The following CMC1 variants were observed in gnomAD, a reference collection of about 807,000 sequenced individuals.
CMC1 encodes C-X9-C motif containing 1.
CMC1 carries 14 observed loss-of-function variants against 14.1 expected under a neutral mutation model. That is an observed-to-expected ratio of 0.99 (90% CI 0.66 to 1.55). The LOEUF (loss-of-function observed/expected upper bound fraction) is 1.55, where lower values mean the gene tolerates loss of function less well. CMC1 is among the 40% of genes most tolerant of loss of function. The pLI, the probability that CMC1 is intolerant of heterozygous loss-of-function variation, is 0.00. For synonymous variants in CMC1, 50 were observed against 38.4 expected, an observed-to-expected ratio of 1.30 and a Z score of -1.12; for missense variants, 127 against 123.8, an observed-to-expected ratio of 1.03 and a Z score of -0.12.
At chr3:28,287,271 T>C (rs1360832123) in intron 2 of CMC1, among the ~76,000 whole-genome samples, 1 of 152,134 alleles carries the variant, frequency 6.6e-6, no homozygotes, top group East Asian at 1.9e-4. Context: ...CACCTTTGAC[T>C]GGCATCTTTG....
intron 2 of CMC1, among the ~76,000 whole-genome samples, chr3:28,310,920 C>T (rs1342862124): frequency 6.6e-6 from 1 of 151,868 alleles, no homozygotes; most frequent in Non-Finnish European, 1.5e-5. Context: ...AGGGTTTGTG[C>T]TCCTATGAGA....
At chr3:28,300,400 A>G (rs1258370924) in intron 2 of CMC1, among the ~76,000 whole-genome samples, 2 of 152,180 alleles carry the variant, frequency 1.3e-5, no homozygotes, top group Non-Finnish European at 1.5e-5. Flanking sequence ...GAGTGCGATG[A>G]ACAGGGAATT....
intron 2 of CMC1, among the ~76,000 whole-genome samples, chr3:28,264,129 G>T (rs1166826872): frequency 6.6e-6 from 1 of 152,074 alleles, no homozygotes; most frequent in Non-Finnish European, 1.5e-5. Flanking sequence ...TCTTGGAAGG[G>T]CCATCAAAAA....
chr3:28,257,336 G>A (rs1699467773), intron 1 of CMC1, among the ~76,000 whole-genome samples: 1 of 152,082 alleles, frequency 6.6e-6, no homozygotes, highest in Admixed American at 6.6e-5. Flanking sequence ...ATGGCAGTAT[G>A]TACTCCTTTG....
At chr3:28,273,524 C>T (rs6791550) in intron 2 of CMC1, among the ~76,000 whole-genome samples, 94,947 of 152,026 alleles carry the variant, frequency 0.62, 29,737 homozygotes, top group East Asian at 0.71. Context: ...TTCCCAATTA[C>T]GTGGTAGATT....
chr3:28,300,940 A>AC (rs1179168369), intron 2 of CMC1, among the ~76,000 whole-genome samples: 1 of 113,390 alleles, frequency 8.8e-6, no homozygotes, highest in African/African-American at 3.4e-5. Flanking sequence ...ACACATGCAC[A>AC]CCCCCCAAAC....
chr3:28,297,375 G>A (rs1373760970), intron 2 of CMC1, among the ~76,000 whole-genome samples: 1 of 151,962 alleles, frequency 6.6e-6, no homozygotes, highest in Non-Finnish European at 1.5e-5. Context: ...CATTACTGTG[G>A]CAGCCTCATA....
chr3:28,317,767 T>C (rs1189614013), intron 3 of CMC1: 4 of 152,158 alleles, frequency 2.6e-5, no homozygotes, highest in Admixed American at 2.0e-4. Context: ...TTATATCTTA[T>C]GGAGTGATTG....
intron 2 of CMC1, among the ~76,000 whole-genome samples, chr3:28,310,318 A>G (rs761618485): frequency 5.9e-5 from 9 of 152,340 alleles, no homozygotes; most frequent in Non-Finnish European, 1.2e-4. Flanking sequence ...TTCTTACTCT[A>G]CATGGTAACC....
intron 2 of CMC1, among the ~76,000 whole-genome samples, chr3:28,304,501 G>T (rs1304325916): frequency 2.0e-5 from 3 of 151,988 alleles, no homozygotes; most frequent in Non-Finnish European, 2.9e-5. Context: ...GGAATTATGT[G>T]AATCTAAGGT....
intron 1 of CMC1, among the ~76,000 whole-genome samples, chr3:28,261,272 T>A (rs1467152892): frequency 6.6e-6 from 1 of 152,180 alleles, no homozygotes; most frequent in African/African-American, 2.4e-5. Context: ...TTCTTCATGC[T>A]TTTCTGTAGT....
chr3:28,272,413 A>G (rs1436286923), intron 2 of CMC1, among the ~76,000 whole-genome samples: 1 of 151,994 alleles, frequency 6.6e-6, no homozygotes, highest in African/African-American at 2.4e-5. Flanking sequence ...TAGTTTATTG[A>G]TGGTTTTTAA....
At chr3:28,267,274 TA>T (rs1700055216) in intron 2 of CMC1, among the ~76,000 whole-genome samples, 1 of 152,254 alleles carries the variant, frequency 6.6e-6, no homozygotes, top group South Asian at 2.1e-4. Flanking sequence ...TAGTGTTTTG[TA>T]AAAATTCCTC....
chr3:28,311,653 A>G (rs1050103171), intron 2 of CMC1, among the ~76,000 whole-genome samples: 15 of 152,208 alleles, frequency 9.9e-5, no homozygotes, highest in Non-Finnish European at 1.9e-4. Flanking sequence ...ATGATTACTG[A>G]GAGTGGCGCA....
At chr3:28,276,205 C>T (rs187248759) in intron 2 of CMC1, among the ~76,000 whole-genome samples, 5 of 146,078 alleles carry the variant, frequency 3.4e-5, no homozygotes, top group East Asian at 2.1e-4. Context: ...AGCCTTTGAC[C>T]GCAGCTGTTG....
chr3:28,319,201 C>T (rs907130948), intron 3 of CMC1: 5 of 464,356 alleles, frequency 1.1e-5, no homozygotes, highest in African/African-American at 7.9e-5. Context: ...CTGGGCCATA[C>T]CTCTGTCACA....
chr3:28,298,780 T>G (rs1701877534), intron 2 of CMC1, among the ~76,000 whole-genome samples: 1 of 152,072 alleles, frequency 6.6e-6, no homozygotes. Flanking sequence ...TGTAAGCATT[T>G]TATTCTTGGA....
rs192293351 is a variant in CMC1 at position 28,274,245 on chromosome 3, A to G, written c.109+10865A>G. On this transcript the variant is annotated intron_variant, in intron 2 of 3. Transcript: ENST00000466830. ...CTTTTTTTTTTTTTTTGCAGTGGCTAGTAACAGTTTTTCCTTTCCATATTT... is the reference window on the plus strand; with the variant it reads ...CTTTTTTTTTTTTTTTGCAGTGGCTGGTAACAGTTTTTCCTTTCCATATTT... Among the ~76,000 whole-genome samples the G allele has an allele frequency of 5.4e-4, 38 of 70,466 alleles. No individual in the cohort carries two copies. In the East Asian group the frequency reaches 0.024, roughly 45 times the overall value. The allele number at this position is 70,466 out of a possible 152,430, so 46.2% of individuals were successfully genotyped here.
rs181661322 is a variant in CMC1 at position 28,244,700 on chromosome 3, T to C, written c.19+2888T>C. 3.1e-4 allele frequency among the ~76,000 whole-genome samples: 47 copies of C among 151,062 alleles called. 1 individual carries two copies. In the East Asian group the frequency reaches 8.2e-3, roughly 26 times the overall value. On this transcript the variant is annotated intron_variant, in intron 1 of 3. Transcript: ENST00000466830. ...GAGGTTGCGCCACTGCACTCCAGCT[T>C]GGGCCACAGAGTGAGACTTCGTCTC...
Sources: gnomAD v4.1 joint callset for allele counts (sites outside exome capture counted in the v4.1 genomes callset) on GRCh38, gnomAD v4.1.1 for gene constraint, MANE v1.5 for transcripts, NCBI Gene and HGNC (gene_info 2026-07-23, HGNC 2026-07-21) for gene names.